The following MRO variants were observed in gnomAD, a reference collection of about 807,000 sequenced individuals.
The protein encoded by MRO is maestro, also known as protein maestro.
MRO carries 28 observed loss-of-function variants against 31.0 expected under a neutral mutation model. That is an observed-to-expected ratio of 0.90 (90% CI 0.67 to 1.24). The LOEUF is 1.24. MRO is among the 50% of genes most tolerant of loss of function. The probability of loss-of-function intolerance (pLI) is 0.00; values close to 1 mark genes in which losing one functional copy is unlikely to be tolerated. For missense variants in MRO, 332 were observed against 289.2 expected (o/e 1.15, Z -1.07); for synonymous variants, 108 against 108.4 (o/e 1.00, Z 0.02).
chr18:50,816,742 A>G (rs1914959656), intron 2 of MRO, among the ~76,000 whole-genome samples: 1 of 152,224 alleles, frequency 6.6e-6, no homozygotes, highest in Non-Finnish European at 1.5e-5. Flanking sequence ...ATTTAATAGC[A>G]TTAAGATTAC....
intron 3 of MRO, among the ~76,000 whole-genome samples, chr18:50,808,233 G>A (rs1914125866): frequency 6.6e-6 from 1 of 152,134 alleles, no homozygotes; most frequent in Non-Finnish European, 1.5e-5. Context: ...GCAGGACCCA[G>A]AAGACAGCAA....
chr18:50,815,467 T>A (rs1276748833), intron 2 of MRO: 2 of 288,154 alleles, frequency 6.9e-6, no homozygotes, highest in Non-Finnish European at 1.4e-5. Flanking sequence ...CTGGTCGTAA[T>A]AGTAGAGGGG....
At chr18:50,821,998 G>A (rs530221224), upstream of MRO, among the ~76,000 whole-genome samples, 5 of 152,284 alleles carry the variant, frequency 3.3e-5, no homozygotes, top group East Asian at 9.7e-4. Context: ...TTCTCCTTAT[G>A]TGGCCCTGGG....
chr18:50,799,976 T>C (rs898441243), intron 7 of MRO, 60 bp downstream of exon 7: 4 of 1,202,370 alleles, frequency 3.3e-6, no homozygotes, highest in Non-Finnish European at 4.9e-6. Context: ...CCACCTTCCG[T>C]GTTAACCACC....
chr18:50,803,322 C>T (rs1913585334), intron 5 of MRO, among the ~76,000 whole-genome samples: 1 of 151,844 alleles, frequency 6.6e-6, no homozygotes, highest in Non-Finnish European at 1.5e-5. Context: ...GCCTGGGCAA[C>T]ATAACAAGAC....
chr18:50,815,783 C>A, intron 2 of MRO: 1 of 343,018 alleles, frequency 2.9e-6, no homozygotes. Context: ...CCTGTAATCC[C>A]AGCACTTTGG....
chr18:50,805,203 C>T lies in MRO; in HGVS notation c.380G>A (p.Gly127Asp). 1 of 1,613,844 alleles carries T rather than the reference C, an allele frequency of 6.2e-7. No individual in the cohort carries two copies. Among genetic ancestry groups the T allele is most frequent in the Non-Finnish European group, 8.5e-7 (1 of 1,179,762 alleles). ...AAGGGTGATATCTATGAAGAAGGAA[C>T]CCAAACCTTTCCCCTGGATCTTGCC... ...VLGKIQGKGL[G>D]SFFIDITLQT... Residue 127 changes from glycine to aspartate, a missense_variant, in exon 5 of 8, where the codon GGT becomes GAT. Gly to Asp is a moderately conservative substitution (Grantham distance 94). Coordinates refer to ENST00000398439, the MANE Select transcript of MRO (RefSeq NM_031939.6).
intron 5 of MRO, 145 bp downstream of exon 5, chr18:50,805,009 C>T (rs1913767980): frequency 2.5e-5 from 15 of 604,830 alleles, no homozygotes; most frequent in Non-Finnish European, 4.3e-5. Context: ...CCAGGATGGT[C>T]TCGATCTCCT....
intron 2 of MRO, among the ~76,000 whole-genome samples, chr18:50,818,276 T>A (rs1915103737): frequency 6.6e-6 from 1 of 152,190 alleles, no homozygotes; most frequent in African/African-American, 2.4e-5. Flanking sequence ...GGTCACCACA[T>A]ATGCCTAGCC....
intron 2 of MRO, among the ~76,000 whole-genome samples, chr18:50,818,764 A>AT (rs1183867470): frequency 2.0e-5 from 3 of 152,326 alleles, no homozygotes; most frequent in Non-Finnish European, 4.4e-5. Context: ...ATAAATGACA[A>AT]TAGTAGGCTG....
At chr18:50,811,557 A>C (rs550679003) in intron 2 of MRO, among the ~76,000 whole-genome samples, 1 of 152,120 alleles carries the variant, frequency 6.6e-6, no homozygotes, top group Admixed American at 6.6e-5. Context: ...ATGGCTGAAT[A>C]GTATTCAATT....
intron 2 of MRO, among the ~76,000 whole-genome samples, chr18:50,812,430 A>G (rs185127518): frequency 2.0e-5 from 3 of 152,288 alleles, no homozygotes; most frequent in Admixed American, 6.5e-5. Context: ...CAGACGTATG[A>G]TTTACAAATA....
At position 50,797,836 on chromosome 18, in the gene MRO, T is replaced by C. The variant is rs902353221; in HGVS notation, c.*1501A>G. The C allele has an allele frequency of 2.0e-5, 3 of 152,234 alleles. No individual in the cohort carries two copies. The highest frequency in any genetic ancestry group is 6.5e-5 in the Admixed American group (1 of 15,282). 9.4% of individuals were successfully genotyped at this position (152,234 alleles called of 1,614,324 possible). ...AGCCTGTGTCCCTCCTAAAATCTCTTGCTGTCATGTTCTTCAGATTCAGAA... is the reference window on the plus strand; with the variant it reads ...AGCCTGTGTCCCTCCTAAAATCTCTCGCTGTCATGTTCTTCAGATTCAGAA... On this transcript the variant is annotated 3_prime_UTR_variant, in exon 8 of 8. Coordinates refer to ENST00000398439, the MANE Select transcript of MRO (RefSeq NM_031939.6).
intron 6 of MRO, among the ~76,000 whole-genome samples, chr18:50,801,008 C>A (rs532384226): frequency 6.6e-6 from 1 of 152,186 alleles, no homozygotes; most frequent in African/African-American, 2.4e-5. Context: ...ATACCAGGCA[C>A]AATGACAAAA....
At chr18:50,803,175 C>T (rs999215618) in intron 5 of MRO, among the ~76,000 whole-genome samples, 7 of 151,972 alleles carry the variant, frequency 4.6e-5, no homozygotes, top group African/African-American at 1.2e-4. Context: ...TCTACATGGC[C>T]GGGGATTTCT....
intron 2 of MRO, chr18:50,816,255 T>C (rs1914910071): frequency 6.6e-6 from 1 of 152,514 alleles, no homozygotes; most frequent in Admixed American, 6.5e-5. Context: ...AGCCACAGTT[T>C]GCAAAAAGTG....
chr18:50,799,791 A>G (rs752308972), intron 7 of MRO, among the ~76,000 whole-genome samples: 45 of 152,182 alleles, frequency 3.0e-4, no homozygotes, highest in Non-Finnish European at 5.9e-4. Context: ...CACGCCTGTA[A>G]TCTCAGCTAC....
upstream of MRO, among the ~76,000 whole-genome samples, chr18:50,824,881 C>G (rs1915455249): frequency 6.6e-6 from 1 of 150,914 alleles, no homozygotes; most frequent in African/African-American, 2.4e-5. Context: ...TCAAGACCAG[C>G]CTGGCCAATG....
At chr18:50,805,407 T>C in intron 4 of MRO, 71 bp from the exon 5 acceptor site, 2 of 1,225,034 alleles carry the variant, frequency 1.6e-6, no homozygotes, top group East Asian at 2.4e-5. Flanking sequence ...CAACCCCACA[T>C]CTAAGCTACT....
Sources: allele counts gnomAD v4.1 joint callset (sites outside exome capture counted in the v4.1 genomes callset), GRCh38; gene constraint gnomAD v4.1.1; transcripts MANE v1.5; gene names NCBI Gene and HGNC (gene_info 2026-07-23, HGNC 2026-07-21).